The following NCAPH variants were observed in gnomAD, a reference collection of about 807,000 sequenced individuals.
NCAPH encodes the protein non-SMC condensin I complex subunit H, also known as condensin complex subunit 2.
Under a neutral mutation model 85.5 loss-of-function variants are expected in NCAPH, and 38 were observed. The ratio of observed to expected loss-of-function variants is 0.44; its 90% CI spans 0.34 to 0.58. The LOEUF (loss-of-function observed/expected upper bound fraction) is 0.58. Among genes scored for constraint, NCAPH ranks in the 20% least tolerant of loss-of-function variants. The pLI is 0.01. For missense variants in NCAPH, 789 were observed against 916.6 expected (o/e 0.86, Z 1.80); for synonymous variants, 301 against 335.1 (o/e 0.90, Z 1.11).
At chr2:96,346,133 CA>C (rs755586487) in intron 6 of NCAPH, among the ~76,000 whole-genome samples, 1 of 152,146 alleles carries the variant, frequency 6.6e-6, no homozygotes, top group Non-Finnish European at 1.5e-5. Context: ...AGGGAATGGA[CA>C]GCACAGGTTG....
rs749382887 is a variant in NCAPH, at chr2:96,335,798, T to C, written c.-32T>C. 19 of 1,478,514 alleles carry C rather than the reference T, an allele frequency of 1.3e-5. No homozygotes were observed. In the South Asian group the frequency reaches 1.4e-4, roughly 11 times the overall value. The allele number at this position is 1,478,514 out of a possible 1,614,324, so 91.6% of individuals were successfully genotyped here. A position where few individuals can be genotyped will look rare whatever the true frequency, so the allele number is the denominator to read the frequency against. On this transcript the variant is annotated 5_prime_UTR_variant, in exon 1 of 18. Transcript: ENST00000240423. ...CGCTCAGGCGTCTCGACGCGCGCGA[T>C]TTAAAACCAGCTCAGGAGACGCCAA...
At chr2:96,340,594 T>C (rs1166549637) in intron 1 of NCAPH, among the ~76,000 whole-genome samples, 1 of 151,958 alleles carries the variant, frequency 6.6e-6, no homozygotes, top group Non-Finnish European at 1.5e-5. Context: ...TTTCACCATA[T>C]TGGCCAGCTG....
intron 1 of NCAPH, among the ~76,000 whole-genome samples, chr2:96,339,416 C>A (rs995840140): frequency 6.6e-6 from 1 of 151,866 alleles, no homozygotes; most frequent in African/African-American, 2.4e-5. Context: ...CACTGTGAAA[C>A]CCCGTCTCTA....
chr2:96,341,435 T>C (rs1197572785), intron 1 of NCAPH: 3 of 584,182 alleles, frequency 5.1e-6, no homozygotes, highest in Non-Finnish European at 8.9e-6. Context: ...TGTCCCAGAT[T>C]AACAAAGAAG....
intron 1 of NCAPH, among the ~76,000 whole-genome samples, chr2:96,340,853 C>G (rs1181767902): frequency 2.0e-5 from 3 of 150,880 alleles, no homozygotes; most frequent in African/African-American, 7.3e-5. Flanking sequence ...GAAAACTGTC[C>G]TGCATTCTAG....
chr2:96,369,130 T>A, intron 16 of NCAPH, 67 bp downstream of exon 16: 2 of 1,423,196 alleles, frequency 1.4e-6, no homozygotes, highest in Non-Finnish European at 1.9e-6. Flanking sequence ...GTGGCAGGCC[T>A]TCCACACACA....
At chr2:96,353,207 C>G in intron 7 of NCAPH, 99 bp from the exon 8 acceptor site, 1 of 920,788 alleles carries the variant, frequency 1.1e-6, no homozygotes, top group Non-Finnish European at 1.7e-6. Flanking sequence ...GGTAACTGTG[C>G]CTCTCATCTC....
At position 96,365,876 on chromosome 2, in the gene NCAPH, G is replaced by A. The variant is rs779342296; in HGVS notation, c.1699G>A (p.Ala567Thr). ...DTSNFCPGLQAADSDDEDLDD... is the reference protein window; with the variant it reads ...DTSNFCPGLQTADSDDEDLDD... ...ACTCGAAGAGCTGTTTCTTGCCCAGGCTGCTGACAGTGATGATGAAGATTT... is the reference window on the plus strand; with the variant it reads ...ACTCGAAGAGCTGTTTCTTGCCCAGACTGCTGACAGTGATGATGAAGATTT... Residue 567 changes from alanine to threonine, a missense_variant and splice_region_variant, in exon 14 of 18, where the codon GCT becomes ACT. Ala to Thr is a moderately conservative substitution (Grantham distance 58). Transcript: ENST00000240423. 2 of 1,614,198 alleles carry A rather than the reference G, an allele frequency of 1.2e-6. No individual in the cohort carries two copies. The highest frequency in any genetic ancestry group is 8.5e-7 in the Non-Finnish European group (1 of 1,180,024).
intron 6 of NCAPH, among the ~76,000 whole-genome samples, chr2:96,350,981 G>T (rs1289392173): frequency 6.6e-6 from 1 of 152,194 alleles, no homozygotes; most frequent in Non-Finnish European, 1.5e-5. Flanking sequence ...TTTGGGCTTG[G>T]TGTCATATGG....
chr2:96,369,295 T>C (rs1044387705), intron 16 of NCAPH, 130 bp from the exon 17 acceptor site: 6 of 902,902 alleles, frequency 6.6e-6, no homozygotes, highest in Admixed American at 2.2e-5. Context: ...AAAATCTGCT[T>C]ATAAAATGCA....
In NCAPH at chr2:96,344,176, A is replaced by G. The variant is rs768924587; in HGVS notation, c.667A>G (p.Ile223Val). The G allele has an allele frequency of 1.9e-6, 3 of 1,613,702 alleles. No homozygotes were observed. Among genetic ancestry groups the G allele is most frequent in the East Asian group, 4.5e-5 (2 of 44,898 alleles). The part of the protein sequence containing the change: ...KPKKKHLHRT[I>V]EQNINNLNVS... ...AAAGAAGAAGCACTTACACAGAACT[A>G]TTGAGCAGAACATAAACAACCTCAA... Residue 223 changes from isoleucine to valine, a missense_variant, in exon 6 of 18, where the codon ATT becomes GTT. By Grantham distance (29) the Ile-to-Val change is conservative. Transcript: ENST00000240423.
intron 8 of NCAPH, 80 bp downstream of exon 8, chr2:96,353,477 G>C: frequency 8.1e-7 from 1 of 1,233,118 alleles, no homozygotes; most frequent in South Asian, 1.2e-5. Flanking sequence ...CAAAACTGTG[G>C]CATCATCTTT....
intron 9 of NCAPH, 105 bp downstream of exon 9, chr2:96,354,493 C>T: frequency 9.8e-7 from 1 of 1,022,060 alleles, no homozygotes; most frequent in Middle Eastern, 3.4e-4. Flanking sequence ...TTTTTTTTTC[C>T]CCCCCCAAAA....
intron 14 of NCAPH, 112 bp from the exon 15 acceptor site, chr2:96,367,145 G>C: frequency 1.4e-6 from 1 of 699,866 alleles, no homozygotes; most frequent in Non-Finnish European, 2.5e-6. Flanking sequence ...TAGCTCCTTG[G>C]TTGAAACTGG....
intron 9 of NCAPH, among the ~76,000 whole-genome samples, chr2:96,358,690 G>C (rs542135630): frequency 3.3e-5 from 5 of 152,094 alleles, no homozygotes; most frequent in Non-Finnish European, 2.9e-5. Context: ...GGGTGGTCTC[G>C]ATCTCCTGAC....
At chr2:96,339,391 G>T (rs778733712) in intron 1 of NCAPH, among the ~76,000 whole-genome samples, 2 of 151,928 alleles carry the variant, frequency 1.3e-5, no homozygotes, top group Non-Finnish European at 2.9e-5. Context: ...AGGAGTTCGA[G>T]ACCAGCCTGG....
rs1447905494 is a variant in NCAPH, at chr2:96,352,235, C to T, written c.910+215C>T. Among the ~76,000 whole-genome samples, 3 of 152,126 alleles carry T rather than the reference C, an allele frequency of 2.0e-5. 1 individual carries two copies. The highest frequency in any genetic ancestry group is 3.8e-4 in the East Asian group (2 of 5,200). On this transcript the variant is annotated intron_variant, in intron 7 of 17. Transcript: ENST00000240423. ...CGTGGAGTCTAAAACGGTAAACCAT[C>T]GCCTCTTGGTCTTGATGTGCCCGGT...
Position 96,343,231 on chromosome 2 carries a change from C to T in NCAPH, c.522C>T (p.Ala174=), listed in dbSNP as rs147327251. Residue 174 remains alanine (A), a synonymous_variant, in exon 5 of 18, where the codon GCC becomes GCT. Transcript: ENST00000240423. ...CTGTGCGCGTGGATGCCGTCCATGC[C>T]GATGTATACAGAGTCCTTGGGGGGC... ...IYAVRVDAVH[A]DVYRVLGGLG... 23 of 1,614,070 alleles carry T rather than the reference C, an allele frequency of 1.4e-5. No individual in the cohort carries two copies. Among genetic ancestry groups the T allele is most frequent in the Admixed American group, 1.0e-4 (6 of 60,008 alleles).
chr2:96,360,082 G>A, intron 10 of NCAPH, 61 bp from the exon 11 acceptor site: 1 of 964,628 alleles, frequency 1.0e-6, no homozygotes, highest in East Asian at 2.4e-5. Flanking sequence ...CAGATCTTGT[G>A]AAATGAGTAA....
Sources: allele counts gnomAD v4.1 joint callset (sites outside exome capture counted in the v4.1 genomes callset), GRCh38; gene constraint gnomAD v4.1.1; transcripts MANE v1.5; gene names NCBI Gene and HGNC (gene_info 2026-07-23, HGNC 2026-07-21).